COPS4: variants seen among roughly 807,000 people sequenced by gnomAD.
COPS4 encodes the protein COP9 signalosome subunit 4.
A neutral mutation model predicts 55.1 loss-of-function variants in COPS4; 8 were observed. That is an observed-to-expected ratio of 0.15 (90% CI 0.09 to 0.26). The LOEUF is 0.26. COPS4 is among the 10% of genes least tolerant of loss of function. The pLI, the probability that COPS4 is intolerant of heterozygous loss-of-function variation, is 1.00. For synonymous variants in COPS4, 185 were observed against 165.7 expected (o/e 1.12, Z -0.90); for missense variants, 248 against 484.0 (o/e 0.51, Z 4.58).
chr4:83,054,427 T>C (rs141281145), intron 4 of COPS4, among the ~76,000 whole-genome samples: 110 of 152,376 alleles, frequency 7.2e-4, no homozygotes, highest in African/African-American at 2.5e-3. Flanking sequence ...ATTCTTTTTT[T>C]GTTCTTCATT....
In COPS4 at chr4:83,075,291, C is replaced by T. The variant is rs752029079; in HGVS notation, c.1088-6C>T. ...TTTTAATTTTGTACATTTTTTTTCC[C>T]CTTAGCACGAGAAGCCCTGCCAACG... On this transcript the variant is annotated splice_region_variant and splice_polypyrimidine_tract_variant and intron_variant, in intron 9 of 9. Coordinates refer to ENST00000264389, the MANE Select transcript of COPS4 (RefSeq NM_016129.3). 1 of 1,609,738 alleles carries T rather than the reference C, an allele frequency of 6.2e-7. No homozygotes were observed. The highest frequency in any genetic ancestry group is 8.5e-7 in the Non-Finnish European group (1 of 1,178,538).
chr4:83,066,402 A>G (rs898884728), intron 7 of COPS4, 36 bp from the exon 8 acceptor site: 3 of 1,059,234 alleles, frequency 2.8e-6, no homozygotes, highest in Non-Finnish European at 4.2e-6. Flanking sequence ...GTATAAAACT[A>G]GTTTCAAACT....
Position 83,060,350 on chromosome 4 carries a change from A to ATT in COPS4, c.716-2711_716-2710dup, listed in dbSNP as rs376935134. On this transcript the variant is annotated intron_variant, in intron 6 of 9. Transcript: ENST00000264389. ...AGGTGCCCGCCACCACGCGCAGCTA[A>ATT]TTTTTTTTTTTTTTTTGAGACGGAA... Among the ~76,000 whole-genome samples the ATT allele has an allele frequency of 9.1e-5, 11 of 121,440 alleles. 1 individual carries two copies. Among genetic ancestry groups the ATT allele is most frequent in the African/African-American group, 3.3e-4 (10 of 30,100 alleles). 79.7% of individuals were successfully genotyped at this position (121,440 alleles called of 152,430 possible).
Position 83,035,269 on chromosome 4 carries a change from G to T in COPS4, c.45G>T (p.Ser15=), listed in dbSNP as rs2126126266. 1 of 1,570,152 alleles carries T rather than the reference G, an allele frequency of 6.4e-7. No individual in the cohort carries two copies. Among genetic ancestry groups the T allele is most frequent in the Non-Finnish European group, 8.7e-7 (1 of 1,151,930 alleles). ...AGGATTTGGCCCAGCTCATGAATTC[G>T]AGCGGCTCTCATAAAGATCTGGCTG... The part of the protein sequence containing the change: ...VRQDLAQLMN[S]SGSHKDLAGK... The change falls in exon 1 of 10, where the codon TCG becomes TCT. Residue 15 remains serine (S), a synonymous_variant. Coordinates refer to ENST00000264389, the MANE Select transcript of COPS4 (RefSeq NM_016129.3).
chr4:83,068,425 T>G lies in COPS4; in HGVS notation c.1003-13T>G. On this transcript the variant is annotated splice_polypyrimidine_tract_variant and intron_variant, in intron 8 of 9. Transcript: ENST00000264389. ...ATGATAAAGTTTCTGAGAGTTTTTT[T>G]TTCCCCCAATAGGCGGAAAAGATAG... The G allele has an allele frequency of 6.3e-7, 1 of 1,583,490 alleles. No individual in the cohort carries two copies. Among genetic ancestry groups the G allele is most frequent in the Non-Finnish European group, 8.7e-7 (1 of 1,156,004 alleles).
At chr4:83,040,510 C>A (rs991863164) in intron 1 of COPS4, among the ~76,000 whole-genome samples, 1 of 152,178 alleles carries the variant, frequency 6.6e-6, no homozygotes, top group Non-Finnish European at 1.5e-5. Context: ...AACTTCCATT[C>A]CCATTTGTGC....
intron 9 of COPS4, among the ~76,000 whole-genome samples, chr4:83,072,928 A>G (rs13144857): frequency 0.18 from 27,694 of 152,124 alleles, 2,887 homozygotes; most frequent in East Asian, 0.32. Context: ...TGTGACCCCA[A>G]TGCTTTGGGA....
At chr4:83,057,919 CAAA>C (rs960818183) in intron 6 of COPS4, among the ~76,000 whole-genome samples, 1 of 54,266 alleles carries the variant, frequency 1.8e-5, no homozygotes, top group South Asian at 6.3e-4. Context: ...GACTCTGTCT[CAAA>C]AAAAAAAAAA....
Position 83,044,970 on chromosome 4 carries a change from T to G in COPS4, c.75-656T>G, listed in dbSNP as rs143218777. Among the ~76,000 whole-genome samples the G allele has an allele frequency of 3.4e-3, 514 of 152,348 alleles. 5 individuals carry two copies. The highest frequency in any genetic ancestry group is 0.012 in the African/African-American group (483 of 41,576). Reference sequence around the variant, plus strand: ...CTCGTGGAGCTTGTGTGGTCACAGATATTAGGTAGAATAGTTATTAGATCT... The same window carrying G: ...CTCGTGGAGCTTGTGTGGTCACAGAGATTAGGTAGAATAGTTATTAGATCT... On this transcript the variant is annotated intron_variant, in intron 1 of 9. Transcript: ENST00000264389.
chr4:83,064,303 C>G (rs1322037184), intron 7 of COPS4, among the ~76,000 whole-genome samples: 1 of 152,106 alleles, frequency 6.6e-6, no homozygotes, highest in Non-Finnish European at 1.5e-5. Flanking sequence ...CCCCACTGCA[C>G]TGCGGTTTCA....
chr4:83,063,358 A>T (rs1731213685), intron 7 of COPS4, 112 bp downstream of exon 7: 2 of 690,620 alleles, frequency 2.9e-6, no homozygotes, highest in Non-Finnish European at 4.3e-6. Context: ...ACACTTCCTC[A>T]TAAAAAAAGA....
At chr4:83,058,010 G>A (rs1384683352) in intron 6 of COPS4, among the ~76,000 whole-genome samples, 3 of 149,146 alleles carry the variant, frequency 2.0e-5, no homozygotes, top group Admixed American at 6.7e-5. Flanking sequence ...TGAGAATTAC[G>A]CAGAGTGAAA....
At chr4:83,062,199 A>G (rs541193467) in intron 6 of COPS4, among the ~76,000 whole-genome samples, 1 of 152,338 alleles carries the variant, frequency 6.6e-6, no homozygotes, top group South Asian at 2.1e-4. Context: ...TATCAGATAA[A>G]TATTTTTTCA....
At chr4:83,044,055 T>C (rs1480943866) in intron 1 of COPS4, among the ~76,000 whole-genome samples, 1 of 152,242 alleles carries the variant, frequency 6.6e-6, no homozygotes, top group East Asian at 1.9e-4. Flanking sequence ...GTTCAGGTTC[T>C]ATTTTTGTAT....
At chr4:83,056,015 G>GCCT (rs1731004346) in intron 4 of COPS4, among the ~76,000 whole-genome samples, 1 of 149,660 alleles carries the variant, frequency 6.7e-6, no homozygotes, top group East Asian at 2.0e-4. Context: ...TGCAACCTGT[G>GCCT]CCTCCTGGGT....
chr4:83,048,839 G>A (rs1015035735), intron 2 of COPS4, among the ~76,000 whole-genome samples: 16 of 151,874 alleles, frequency 1.1e-4, no homozygotes, highest in East Asian at 1.9e-4. Flanking sequence ...TAGAGACAGC[G>A]TTTCACCACG....
chr4:83,058,678 A>G (rs752300836), intron 6 of COPS4, among the ~76,000 whole-genome samples: 5 of 152,146 alleles, frequency 3.3e-5, no homozygotes, highest in Non-Finnish European at 7.4e-5. Context: ...TTTGCAACTT[A>G]CCTTTTTATT....
chr4:83,040,378 C>T (rs746034110), intron 1 of COPS4, among the ~76,000 whole-genome samples: 35 of 152,198 alleles, frequency 2.3e-4, no homozygotes, highest in Non-Finnish European at 4.4e-4. Flanking sequence ...ATTTCATTAC[C>T]TGAGGGTGCT....
chr4:83,065,163 A>G, intron 7 of COPS4: 2 of 515,480 alleles, frequency 3.9e-6, no homozygotes, highest in Non-Finnish European at 3.5e-6. Flanking sequence ...GGGGTAAGCC[A>G]CTGCACCTGC....
Sources: gnomAD v4.1 joint callset for allele counts (sites outside exome capture counted in the v4.1 genomes callset) on GRCh38, gnomAD v4.1.1 for gene constraint, MANE v1.5 for transcripts, NCBI Gene and HGNC (gene_info 2026-07-23, HGNC 2026-07-21) for gene names.